CPNE8: variants seen among roughly 807,000 people sequenced by gnomAD.
CPNE8 encodes copine 8.
A neutral mutation model predicts 81.5 loss-of-function variants in CPNE8; 45 were observed. The observed-to-expected ratio is 0.55, with a 90% CI of 0.44 to 0.71. CPNE8 has a LOEUF of 0.71. CPNE8 is among the 30% of genes least tolerant of loss of function. CPNE8 has a pLI of 0.00. For missense variants in CPNE8, 594 were observed against 672.1 expected (o/e 0.88, Z 1.28); for synonymous variants, 252 against 226.3 (o/e 1.11, Z -1.02).
chr12:38,782,600 G>T (rs1423658508), intron 6 of CPNE8, among the ~76,000 whole-genome samples: 1 of 152,074 alleles, frequency 6.6e-6, no homozygotes, highest in Non-Finnish European at 1.5e-5. Context: ...GAATGAGAAA[G>T]AGGGTAAGAA....
chr12:38,725,943 C>G (rs780031436), intron 11 of CPNE8, among the ~76,000 whole-genome samples: 2 of 152,320 alleles, frequency 1.3e-5, no homozygotes, highest in East Asian at 3.9e-4. Context: ...AGTTTCCCCA[C>G]AGATGGGGGT....
intron 10 of CPNE8, among the ~76,000 whole-genome samples, chr12:38,733,841 C>T (rs1043804968): frequency 5.3e-5 from 8 of 151,954 alleles, no homozygotes; most frequent in Non-Finnish European, 1.2e-4. Flanking sequence ...CATTTCTATG[C>T]TCCATTAATA....
intron 3 of CPNE8, among the ~76,000 whole-genome samples, chr12:38,872,667 A>G (rs1944009787): frequency 6.6e-6 from 1 of 152,252 alleles, no homozygotes; most frequent in African/African-American, 2.4e-5. Flanking sequence ...GTGGCATTTT[A>G]TAAGTATCAG....
intron 3 of CPNE8, among the ~76,000 whole-genome samples, chr12:38,872,242 C>T (rs1944005104): frequency 6.6e-6 from 1 of 152,184 alleles, no homozygotes; most frequent in African/African-American, 2.4e-5. Context: ...TTATTTTCCC[C>T]AGGTTTTAAG....
intron 13 of CPNE8, among the ~76,000 whole-genome samples, chr12:38,714,590 G>A (rs1321828335): frequency 6.7e-6 from 1 of 150,358 alleles, no homozygotes; most frequent in Non-Finnish European, 1.5e-5. Context: ...TCAAATTATA[G>A]AATGTATCTC....
intron 13 of CPNE8, among the ~76,000 whole-genome samples, chr12:38,704,826 G>GTATATATATGTATATATATA (rs58878926): frequency 2.0e-5 from 1 of 50,200 alleles, no homozygotes; most frequent in South Asian, 8.1e-4. Flanking sequence ...GTATGTATGT[G>GTATATATATGTATATATATA]TATATATATA....
rs565486020 is a variant in CPNE8, at chr12:38,702,876, G to A, written c.960C>T (p.Asn320=). The change falls in exon 14 of 20, where the codon AAC becomes AAT. Residue 320 remains asparagine (N), a splice_region_variant and synonymous_variant. Transcript: ENST00000331366. ...FTVAIDFTAS[N]GNPAQPTSLH... is the part of the protein sequence containing the mutation. Reference sequence around the variant, plus strand: ...TCAGGGGATAATCAAAACACTCACCGTTTGATGCTGTAAAATCAATAGCCA... The same window carrying A: ...TCAGGGGATAATCAAAACACTCACCATTTGATGCTGTAAAATCAATAGCCA... The A allele has an allele frequency of 1.1e-5, 17 of 1,549,006 alleles. No homozygotes were observed. Among genetic ancestry groups the A allele is most frequent in the Middle Eastern group, 3.4e-4 (2 of 5,878 alleles).
chr12:38,658,629 A>C (rs147248948), intron 19 of CPNE8, among the ~76,000 whole-genome samples: 2,537 of 152,276 alleles, frequency 0.017, 54 homozygotes, highest in African/African-American at 0.057. Flanking sequence ...GAAGGAAAAA[A>C]TATTAAGGGC....
intron 13 of CPNE8, among the ~76,000 whole-genome samples, chr12:38,708,117 T>C (rs1395138510): frequency 6.6e-6 from 1 of 152,204 alleles, no homozygotes; most frequent in East Asian, 1.9e-4. Context: ...TTTCCATTCA[T>C]ATTATAATAC....
At chr12:38,863,178 T>C (rs150107379) in intron 3 of CPNE8, among the ~76,000 whole-genome samples, 2 of 152,318 alleles carry the variant, frequency 1.3e-5, no homozygotes, top group East Asian at 1.9e-4. Flanking sequence ...AAAGTACACA[T>C]GGCATACGTG....
rs1938717898 is a variant in CPNE8, at chr12:38,652,304, A to T, written c.*1578T>A. The T allele has an allele frequency of 1.3e-5, 2 of 152,398 alleles. No homozygotes were observed. 9.4% of individuals were successfully genotyped at this position (152,398 alleles called of 1,614,324 possible). A position where few individuals can be genotyped will look rare whatever the true frequency, so the allele number is the denominator to read the frequency against. On this transcript the variant is annotated 3_prime_UTR_variant, in exon 20 of 20. Transcript: ENST00000331366. ...AGTGGCATAAATATTTAAGATCAGT[A>T]AAGGAAATCATCAAACTATTGTCAT...
At chr12:38,849,411 TC>T (rs36002202) in intron 3 of CPNE8, among the ~76,000 whole-genome samples, 12,313 of 152,214 alleles carry the variant, frequency 0.081, 633 homozygotes, top group East Asian at 0.28. Context: ...CTTACATTCT[TC>T]CCTTCCAACT....
At chr12:38,813,218 T>C (rs1413913534) in intron 6 of CPNE8, among the ~76,000 whole-genome samples, 2 of 152,158 alleles carry the variant, frequency 1.3e-5, no homozygotes, top group Admixed American at 6.5e-5. Context: ...GGAGCTGCTA[T>C]ACACAGAAAG....
chr12:38,889,163 G>T (rs1040742280), intron 1 of CPNE8, among the ~76,000 whole-genome samples: 1 of 151,122 alleles, frequency 6.6e-6, no homozygotes, highest in African/African-American at 2.5e-5. Context: ...ACCATGATAT[G>T]AACACATTGG....
intron 16 of CPNE8, among the ~76,000 whole-genome samples, chr12:38,681,206 T>C (rs1328787104): frequency 1.3e-5 from 2 of 152,084 alleles, no homozygotes; most frequent in African/African-American, 2.4e-5. Flanking sequence ...GAATTCTAGA[T>C]GAATAGAAAT....
At chr12:38,655,569 TA>T (rs1257463831) in intron 19 of CPNE8, among the ~76,000 whole-genome samples, 1 of 152,208 alleles carries the variant, frequency 6.6e-6, no homozygotes, top group Non-Finnish European at 1.5e-5. Flanking sequence ...TCTCATGCTG[TA>T]AAATACCATT....
chr12:38,810,163 T>C (rs1344114640), intron 6 of CPNE8, among the ~76,000 whole-genome samples: 2 of 152,166 alleles, frequency 1.3e-5, no homozygotes, highest in Non-Finnish European at 2.9e-5. Context: ...TTAGTCCAAG[T>C]TGGCAGTGCT....
chr12:38,831,562 G>A (rs971100412), intron 5 of CPNE8, among the ~76,000 whole-genome samples: 1 of 152,082 alleles, frequency 6.6e-6, no homozygotes. Flanking sequence ...GGATACTGCC[G>A]GCATGGCCAT....
intron 19 of CPNE8, among the ~76,000 whole-genome samples, chr12:38,654,980 A>G (rs1938786149): frequency 6.6e-6 from 1 of 152,202 alleles, no homozygotes; most frequent in Non-Finnish European, 1.5e-5. Context: ...TGAAATATTC[A>G]GTACATTGAG....
Sources: gnomAD v4.1 joint callset for allele counts (sites outside exome capture counted in the v4.1 genomes callset) on GRCh38, gnomAD v4.1.1 for gene constraint, MANE v1.5 for transcripts, NCBI Gene and HGNC (gene_info 2026-07-23, HGNC 2026-07-21) for gene names.